ENTPD1: variants seen among roughly 807,000 people sequenced by gnomAD.
ENTPD1 encodes the protein ATP diphosphohydrolase.
ENTPD1 carries 33 observed loss-of-function variants against 57.0 expected under a neutral mutation model. The ratio of observed to expected loss-of-function variants is 0.58; its 90% CI spans 0.44 to 0.77. ENTPD1 has a LOEUF of 0.77. Ranked by LOEUF, ENTPD1 falls within the 30% of genes least tolerant of loss-of-function variation. The pLI, the probability that ENTPD1 is intolerant of heterozygous loss-of-function variation, is 0.00. For missense variants in ENTPD1, 501 were observed against 603.4 expected (o/e 0.83, Z 1.78); for synonymous variants, 202 against 218.8 (o/e 0.92, Z 0.68).
intron 1 of ENTPD1, among the ~76,000 whole-genome samples, chr10:95,719,117 C>A (rs1205380321): frequency 6.6e-6 from 1 of 152,206 alleles, no homozygotes; most frequent in African/African-American, 2.4e-5. Flanking sequence ...GATACTAAGA[C>A]TGCTACTGCC....
Position 95,876,670 on chromosome 10 carries a change from G to T in ENTPD1, c.*10287G>T. On this transcript the variant is annotated 3_prime_UTR_variant, in exon 10 of 10. Coordinates refer to ENST00000371205, the MANE Select transcript of ENTPD1 (RefSeq NM_001776.6). ...TTCTGGACAGGCCATTCTAATAACA[G>T]AAACAAACAAGTTATTTTAAAACTT... 1 of 1,221,800 alleles carries T rather than the reference G, an allele frequency of 8.2e-7. No individual in the cohort carries two copies. The highest frequency in any genetic ancestry group is 1.6e-5 in the African/African-American group (1 of 64,162). The allele number at this position is 1,221,800 out of a possible 1,614,324, so 75.7% of individuals were successfully genotyped here.
At chr10:95,817,655 C>T (rs1199830647) in intron 1 of ENTPD1, among the ~76,000 whole-genome samples, 1 of 152,200 alleles carries the variant, frequency 6.6e-6, no homozygotes, top group Admixed American at 6.5e-5. Flanking sequence ...AAGCTCTTGC[C>T]TCAGAGGTAT....
rs1051708243 is a variant in ENTPD1, at chr10:95,874,177, C to A, written c.*7794C>A. 8.5e-5 allele frequency among the ~76,000 whole-genome samples: 13 copies of A among 152,206 alleles called. No individual in the cohort carries two copies. The highest frequency in any genetic ancestry group is 1.6e-4 in the Non-Finnish European group (11 of 68,040). On this transcript the variant is annotated 3_prime_UTR_variant, in exon 10 of 10. Coordinates refer to ENST00000371205, the MANE Select transcript of ENTPD1 (RefSeq NM_001776.6). ...AAAAGTCCACAGTCCAAAGTCTCAT[C>A]TGAGACAAGGCAAGTCCCTTCCACT...
At chr10:95,808,083 G>A (rs1343124240) in intron 1 of ENTPD1, among the ~76,000 whole-genome samples, 1 of 152,052 alleles carries the variant, frequency 6.6e-6, no homozygotes, top group Admixed American at 6.6e-5. Flanking sequence ...TTATTTTGAG[G>A]GATGTTCCCT....
At chr10:95,784,045 C>T (rs1253929812) in intron 1 of ENTPD1, among the ~76,000 whole-genome samples, 1 of 150,762 alleles carries the variant, frequency 6.6e-6, no homozygotes, top group East Asian at 1.9e-4. Context: ...CTATATCCTG[C>T]CTTCCTGCAG....
chr10:95,803,379 G>A (rs1324645910), intron 1 of ENTPD1, among the ~76,000 whole-genome samples: 1 of 152,150 alleles, frequency 6.6e-6, no homozygotes, highest in South Asian at 2.1e-4. Flanking sequence ...GTCGTTTCCT[G>A]ACTTTTTAAT....
chr10:95,830,330 G>T (rs1268100868), intron 2 of ENTPD1, among the ~76,000 whole-genome samples: 1 of 152,098 alleles, frequency 6.6e-6, no homozygotes, highest in Non-Finnish European at 1.5e-5. Flanking sequence ...GGAAGAGGAG[G>T]TCCAAGTCTG....
chr10:95,826,199 A>T (rs2098375725), intron 2 of ENTPD1, among the ~76,000 whole-genome samples: 1 of 152,162 alleles, frequency 6.6e-6, no homozygotes, highest in Admixed American at 6.5e-5. Context: ...GGGGCCAGGC[A>T]AGTCTTCCCT....
At chr10:95,707,882 G>A (rs1200974028), upstream of ENTPD1, among the ~76,000 whole-genome samples, 2 of 152,160 alleles carry the variant, frequency 1.3e-5, no homozygotes, top group Non-Finnish European at 2.9e-5. Flanking sequence ...TGGGATTACA[G>A]GTGTGAGCCA....
At chr10:95,840,489 C>G (rs959409020) in intron 3 of ENTPD1, among the ~76,000 whole-genome samples, 1 of 152,120 alleles carries the variant, frequency 6.6e-6, no homozygotes, top group Non-Finnish European at 1.5e-5. Flanking sequence ...TCTGTGTAGG[C>G]AGGAAAGACC....
At chr10:95,752,844 T>C (rs960765727), upstream of ENTPD1, among the ~76,000 whole-genome samples, 1 of 152,176 alleles carries the variant, frequency 6.6e-6, no homozygotes, top group African/African-American at 2.4e-5. Flanking sequence ...ATTAATCATT[T>C]TTAACAGTAT....
chr10:95,721,188 C>G (rs2097977040), intron 1 of ENTPD1, among the ~76,000 whole-genome samples: 1 of 152,180 alleles, frequency 6.6e-6, no homozygotes, highest in South Asian at 2.1e-4. Context: ...CTTCCTTTCC[C>G]TGTGTTATAG....
chr10:95,858,333 A>G (rs964424876), intron 7 of ENTPD1, among the ~76,000 whole-genome samples: 1 of 152,112 alleles, frequency 6.6e-6, no homozygotes, highest in Non-Finnish European at 1.5e-5. Context: ...ATTGAAAGCC[A>G]GGGTGCTGGG....
At chr10:95,785,250 A>G (rs1378411558) in intron 1 of ENTPD1, 1 of 152,188 alleles carries the variant, frequency 6.6e-6, no homozygotes, top group Non-Finnish European at 1.5e-5. Context: ...TGATCTCTGA[A>G]AAAATGGGAG....
At position 95,876,532 on chromosome 10, in the gene ENTPD1, A is replaced by G; in HGVS notation, c.*10149A>G. 1.6e-6 allele frequency: 2 copies of G among 1,231,382 alleles called. No individual in the cohort carries two copies. Among genetic ancestry groups the G allele is most frequent in the Non-Finnish European group, 2.0e-6 (2 of 987,766 alleles). 76.3% of individuals were successfully genotyped at this position (1,231,382 alleles called of 1,614,324 possible). A position where few individuals can be genotyped will look rare whatever the true frequency, so the allele number is the denominator to read the frequency against. ...TGGATTTTTACCTTTGCAATAGTCAACTGAACCATCTTCTTGGAGTACTCA... is the reference window on the plus strand; with the variant it reads ...TGGATTTTTACCTTTGCAATAGTCAGCTGAACCATCTTCTTGGAGTACTCA... On this transcript the variant is annotated 3_prime_UTR_variant, in exon 10 of 10. Transcript: ENST00000371205.
intron 1 of ENTPD1, among the ~76,000 whole-genome samples, chr10:95,723,850 G>A (rs1325979862): frequency 6.6e-6 from 1 of 152,092 alleles, no homozygotes; most frequent in East Asian, 1.9e-4. Context: ...AACCCACAAG[G>A]ATTGGGGGTT....
chr10:95,798,114 G>A (rs1261105865), intron 1 of ENTPD1, among the ~76,000 whole-genome samples: 3 of 152,124 alleles, frequency 2.0e-5, no homozygotes, highest in Non-Finnish European at 4.4e-5. Context: ...GAAAAACCTG[G>A]TGTCATGGGA....
intron 7 of ENTPD1, among the ~76,000 whole-genome samples, chr10:95,848,716 A>C (rs1458769959): frequency 6.6e-6 from 1 of 152,254 alleles, no homozygotes; most frequent in East Asian, 1.9e-4. Flanking sequence ...CACATTTTGC[A>C]GAAGTGCCAA....
chr10:95,735,094 C>T (rs2097993244), intron 1 of ENTPD1, among the ~76,000 whole-genome samples: 1 of 145,216 alleles, frequency 6.9e-6, no homozygotes, highest in African/African-American at 2.6e-5. Context: ...TGCAGTGGCA[C>T]AATCTTGGCT....
Sources: gnomAD v4.1 joint callset for allele counts (sites outside exome capture counted in the v4.1 genomes callset) on GRCh38, gnomAD v4.1.1 for gene constraint, MANE v1.5 for transcripts, NCBI Gene and HGNC (gene_info 2026-07-23, HGNC 2026-07-21) for gene names.